OSBPL10: variants seen among roughly 807,000 people sequenced by gnomAD.
The protein encoded by OSBPL10 is oxysterol binding protein like 10.
Under a neutral mutation model 81.7 loss-of-function variants are expected in OSBPL10, and 49 were observed. The ratio of observed to expected loss-of-function variants is 0.60; its 90% confidence interval spans 0.48 to 0.76. The LOEUF is 0.76. OSBPL10 is among the 30% of genes least tolerant of loss of function. The pLI is 0.00. For synonymous variants in OSBPL10, 419 were observed against 383.6 expected, an observed-to-expected ratio of 1.09 and a Z score of -1.08; for missense variants, 923 against 987.8, an observed-to-expected ratio of 0.93 and a Z score of 0.88.
At chr3:31,935,945 C>T (rs1426715025) in intron 1 of OSBPL10, among the ~76,000 whole-genome samples, 1 of 152,174 alleles carries the variant, frequency 6.6e-6, no homozygotes, top group African/African-American at 2.4e-5. Flanking sequence ...TATGTTTTTA[C>T]TTTTTATGTA....
Position 31,661,931 on chromosome 3 carries a change from G to T in OSBPL10, c.*141C>A. On this transcript the variant is annotated 3_prime_UTR_variant, in exon 12 of 12. Transcript: ENST00000396556. The stretch of plus-strand genomic sequence containing the variant: ...AGAGTGTGGGGGTGCACTTTTCATA[G>T]TATATAATTTCTCTCTCTCTCATCA... The T allele has an allele frequency of 7.9e-7, 1 of 1,264,304 alleles. No individual in the cohort carries two copies. Among genetic ancestry groups the T allele is most frequent in the Non-Finnish European group, 1.1e-6 (1 of 913,908 alleles). 78.3% of individuals were successfully genotyped at this position (1,264,304 alleles called of 1,614,324 possible).
intron 1 of OSBPL10, among the ~76,000 whole-genome samples, chr3:31,979,847 G>A (rs548588511): frequency 5.3e-5 from 8 of 151,996 alleles, no homozygotes; most frequent in African/African-American, 7.2e-5. Context: ...ATCCTTCCAC[G>A]TGTCCATAAC....
chr3:31,663,662 G>A, intron 11 of OSBPL10: 1 of 1,065,292 alleles, frequency 9.4e-7, no homozygotes, highest in Non-Finnish European at 1.1e-6. Context: ...TCATCAGTGA[G>A]GGCTCCAGCC....
intron 7 of OSBPL10, 38 bp from the exon 8 acceptor site, chr3:31,684,152 G>A (rs752691062): frequency 1.3e-6 from 2 of 1,598,880 alleles, no homozygotes; most frequent in Non-Finnish European, 1.7e-6. Context: ...CAATCCCTGG[G>A]ATTACACGGA....
intron 4 of OSBPL10, among the ~76,000 whole-genome samples, chr3:31,811,959 G>A (rs1699692606): frequency 6.6e-6 from 1 of 152,176 alleles, no homozygotes; most frequent in Admixed American, 6.5e-5. Context: ...TATCACAGAA[G>A]TTACATCTGA....
chr3:31,744,884 T>G (rs1215445330), intron 5 of OSBPL10, among the ~76,000 whole-genome samples: 1 of 152,184 alleles, frequency 6.6e-6, no homozygotes, highest in Non-Finnish European at 1.5e-5. Flanking sequence ...AGCTTATATT[T>G]ACTAGTGAGA....
chr3:31,981,405 C>G, upstream of OSBPL10: 1 of 672,174 alleles, frequency 1.5e-6, no homozygotes, highest in East Asian at 3.8e-5. This position sits in a 1 kb window ranked among gnomAD's most constrained non-coding sequence, Gnocchi z 4.5. Flanking sequence ...CCGCCGCGGC[C>G]AGGGCCCGGC....
intron 7 of OSBPL10, among the ~76,000 whole-genome samples, chr3:31,695,078 T>G (rs753914125): frequency 2.0e-4 from 31 of 152,210 alleles, no homozygotes; most frequent in Non-Finnish European, 3.7e-4. Context: ...TCATGTGTTC[T>G]TGATTGATGA....
chr3:31,799,142 A>C (rs1272317920), intron 4 of OSBPL10, among the ~76,000 whole-genome samples: 1 of 152,178 alleles, frequency 6.6e-6, no homozygotes, highest in African/African-American at 2.4e-5. Flanking sequence ...AGACCCTTCC[A>C]GAACTATAAC....
chr3:31,730,989 T>A (rs758035847), intron 6 of OSBPL10, among the ~76,000 whole-genome samples: 2 of 152,244 alleles, frequency 1.3e-5, no homozygotes, highest in African/African-American at 2.4e-5. Flanking sequence ...ATTCTTAACC[T>A]TTAGGAATTT....
At chr3:31,862,921 C>A (rs964279464) in intron 3 of OSBPL10, among the ~76,000 whole-genome samples, 4 of 152,094 alleles carry the variant, frequency 2.6e-5, no homozygotes, top group Admixed American at 2.6e-4. Context: ...TTTAAATATA[C>A]ACCCAAAAGA....
intron 1 of OSBPL10, among the ~76,000 whole-genome samples, chr3:31,934,080 A>AC (rs1697319903): frequency 1.3e-5 from 2 of 151,778 alleles, no homozygotes; most frequent in Admixed American, 1.3e-4. Context: ...TCTGTTTAAA[A>AC]AAAAAAAAAC....
At chr3:31,804,634 T>C (rs1187822091) in intron 4 of OSBPL10, among the ~76,000 whole-genome samples, 2 of 152,162 alleles carry the variant, frequency 1.3e-5, no homozygotes, top group Non-Finnish European at 2.9e-5. Flanking sequence ...CCATTAAAGG[T>C]AGAGCTCCCC....
At chr3:31,693,028 C>T (rs999303112) in intron 7 of OSBPL10, among the ~76,000 whole-genome samples, 3 of 152,176 alleles carry the variant, frequency 2.0e-5, no homozygotes, top group Non-Finnish European at 4.4e-5. Flanking sequence ...AGCCAGGTCT[C>T]CACTCTCTCT....
intron 1 of OSBPL10, among the ~76,000 whole-genome samples, chr3:31,965,804 A>AT (rs1262125549): frequency 1.4e-4 from 9 of 64,468 alleles, no homozygotes; most frequent in African/African-American, 8.5e-4. Context: ...TATATTATCT[A>AT]TTTATATAAT....
At chr3:32,025,023 A>C (rs1268449148) in intron 2 of OSBPL10, among the ~76,000 whole-genome samples, 4 of 152,164 alleles carry the variant, frequency 2.6e-5, no homozygotes, top group Admixed American at 2.6e-4. Context: ...TAGAACCTCC[A>C]GTATATAGCT....
chr3:31,693,497 G>T (rs11921928), intron 7 of OSBPL10, among the ~76,000 whole-genome samples: 1 of 152,024 alleles, frequency 6.6e-6, no homozygotes, highest in East Asian at 1.9e-4. Context: ...CCATTAAAGC[G>T]TACACAGGTA....
chr3:31,683,992 A>G lies in OSBPL10; in HGVS notation c.1368T>C (p.Ile456=). The G allele has an allele frequency of 6.2e-7, 1 of 1,614,208 alleles. No individual in the cohort carries two copies. Among genetic ancestry groups the G allele is most frequent in the Non-Finnish European group, 8.5e-7 (1 of 1,180,050 alleles). Residue 456 remains isoleucine, a synonymous_variant, in exon 8 of 12, where the codon ATT becomes ATC. Coordinates refer to ENST00000396556, the MANE Select transcript of OSBPL10 (RefSeq NM_017784.5). ...CTGTGAGATAATACTCAACGAAGCA[A>G]ATGACTCTCTCCTCTGGTGTGGCCC... ...TAGATPEERV[I]CFVEYYLTAF...
intron 1 of OSBPL10, among the ~76,000 whole-genome samples, chr3:31,899,318 C>T (rs913289795): frequency 6.6e-6 from 1 of 150,856 alleles, no homozygotes; most frequent in Non-Finnish European, 1.5e-5. Flanking sequence ...GCATAAATTC[C>T]AAAAGAGTAA....
Sources: allele counts gnomAD v4.1 joint callset (sites outside exome capture counted in the v4.1 genomes callset), GRCh38; gene constraint gnomAD v4.1.1; non-coding constraint Gnocchi (gnomAD v3.1); transcripts MANE v1.5; gene names NCBI Gene and HGNC (gene_info 2026-07-23, HGNC 2026-07-21).